Variants in FAM186A observed in about 807,000 individuals in gnomAD.
The protein encoded by FAM186A is family with sequence similarity 186 member A.
A neutral mutation model predicts 216.8 loss-of-function variants in FAM186A; 163 were observed. The ratio of observed to expected loss-of-function variants is 0.75; its 90% CI spans 0.66 to 0.86. FAM186A has a LOEUF of 0.86. FAM186A is among the 40% of genes least tolerant of loss of function. FAM186A has a pLI of 0.00. For synonymous variants in FAM186A, 805 were observed against 1,025.3 expected, an observed-to-expected ratio of 0.79 and a Z score of 4.10; for missense variants, 2,184 against 2,746.2, an observed-to-expected ratio of 0.80 and a Z score of 4.58.
At chr12:50,338,303 G>A (rs758195729) in intron 4 of FAM186A, among the ~76,000 whole-genome samples, 50 of 152,150 alleles carry the variant, frequency 3.3e-4, no homozygotes, top group Non-Finnish European at 1.0e-4. Flanking sequence ...CAGGGTTCAA[G>A]CAATTCTCTT....
At chr12:50,346,629 C>T (rs1443530015) in intron 4 of FAM186A, among the ~76,000 whole-genome samples, 3 of 152,080 alleles carry the variant, frequency 2.0e-5, no homozygotes, top group Admixed American at 6.6e-5. Context: ...GGGTGGATCA[C>T]GAGGTCAGGA....
At chr12:50,367,733 AAATT>A (rs1844990158) in intron 1 of FAM186A, among the ~76,000 whole-genome samples, 1 of 152,100 alleles carries the variant, frequency 6.6e-6, no homozygotes, top group Admixed American at 6.6e-5. Flanking sequence ...TTAGAACAAT[AAATT>A]CAGCAAAGTT....
At chr12:50,388,895 A>G (rs987492699) in intron 1 of FAM186A, among the ~76,000 whole-genome samples, 3 of 151,574 alleles carry the variant, frequency 2.0e-5, no homozygotes, top group Admixed American at 2.0e-4. Context: ...TCTACCAAAA[A>G]TACAAAAATT....
At chr12:50,343,006 T>G (rs1942780186) in intron 4 of FAM186A, among the ~76,000 whole-genome samples, 1 of 151,624 alleles carries the variant, frequency 6.6e-6, no homozygotes, top group Non-Finnish European at 1.5e-5. Context: ...TCCCAGCACT[T>G]TGGGATGCCG....
chr12:50,390,959 G>C (rs1487171548), intron 1 of FAM186A, among the ~76,000 whole-genome samples: 1 of 152,036 alleles, frequency 6.6e-6, no homozygotes, highest in Non-Finnish European at 1.5e-5. Context: ...CAAAGTGCTA[G>C]GATTACAGCC....
chr12:50,341,573 A>G (rs1016173480), intron 4 of FAM186A, among the ~76,000 whole-genome samples: 1 of 152,226 alleles, frequency 6.6e-6, no homozygotes, highest in Non-Finnish European at 1.5e-5. Context: ...ACAGTGGCTC[A>G]TACCTGTAAT....
intron 3 of FAM186A, among the ~76,000 whole-genome samples, chr12:50,358,344 G>T (rs1424827874): frequency 6.6e-6 from 1 of 152,126 alleles, no homozygotes; most frequent in Non-Finnish European, 1.5e-5. Flanking sequence ...ACTTTGGGAG[G>T]CTGAGGCAGG....
intron 1 of FAM186A, 25 bp from the exon 2 acceptor site, chr12:50,363,389 T>C (rs1943056350): frequency 6.6e-7 from 1 of 1,515,942 alleles, no homozygotes; most frequent in Admixed American, 2.0e-5. Context: ...AGGGGGCATG[T>C]ATTAATCTTC....
chr12:50,347,050 A>G (rs531340203), intron 4 of FAM186A, among the ~76,000 whole-genome samples: 2 of 151,642 alleles, frequency 1.3e-5, no homozygotes, highest in African/African-American at 2.4e-5. Flanking sequence ...GGAAGACTCT[A>G]TTAGTGAATA....
chr12:50,396,306 T>C lies in FAM186A; in HGVS notation c.179A>G (p.His60Arg), dbSNP rs1445739586. 1 of 1,539,020 alleles carries C rather than the reference T, an allele frequency of 6.5e-7. No individual in the cohort carries two copies. The highest frequency in any genetic ancestry group is 2.5e-5 in the East Asian group (1 of 40,778). ...IISRIERAQL[H>R]RAREDIDMQL... ...TTCACTACCTACCTCTCTGGCTCGA[T>C]GGAGCTGTGCGCGCTCAATCCTAGA... Residue 60 changes from histidine (H) to arginine (R), a missense_variant, in exon 1 of 8, where the codon CAT becomes CGT. By Grantham distance (29) the His-to-Arg change is conservative. Transcript: ENST00000327337.
At position 50,353,647 on chromosome 12, in the gene FAM186A, A is replaced by G; in HGVS notation, c.3185T>C (p.Leu1062Pro). 3.9e-6 allele frequency: 6 copies of G among 1,535,290 alleles called. No homozygotes were observed. The highest frequency in any genetic ancestry group is 5.3e-6 in the Non-Finnish European group (6 of 1,140,664). Reference protein sequence around the residue: ...PSLQYSLPGALPISGQPLTKC... With the variant: ...PSLQYSLPGAPPISGQPLTKC... The stretch of plus-strand genomic sequence containing the variant: ...AGTGAGAGGCTGGCCAGAAATAGGA[A>G]GAGCTCCAGGCAGGGAGTATTGTAG... The change falls in exon 4 of 8, where the codon CTT becomes CCT. Residue 1062 changes from leucine to proline, a missense_variant. This residue lies in a region of FAM186A where 1,132 missense variants were observed against 1,263.4 expected (regional missense o/e 0.90). Coordinates refer to ENST00000327337, the MANE Select transcript of FAM186A (RefSeq NM_001145475.3).
At chr12:50,368,826 A>G (rs534123705) in intron 1 of FAM186A, among the ~76,000 whole-genome samples, 12 of 152,240 alleles carry the variant, frequency 7.9e-5, no homozygotes, top group Admixed American at 3.3e-4. Context: ...CAGACATATA[A>G]CCTGATGGAA....
intron 1 of FAM186A, among the ~76,000 whole-genome samples, chr12:50,364,515 G>T (rs754869115): frequency 7.9e-5 from 12 of 151,418 alleles, no homozygotes; most frequent in Non-Finnish European, 1.5e-4. Flanking sequence ...CCGAGATCAC[G>T]CCACTGCACT....
At position 50,359,583 on chromosome 12, in the gene FAM186A, A is replaced by ACCC. The variant is rs1565888711; in HGVS notation, c.583+1172_583+1173insGGG. Among the ~76,000 whole-genome samples the ACCC allele has an allele frequency of 2.1e-3, 317 of 151,850 alleles. 1 individual carries two copies. Among genetic ancestry groups the ACCC allele is most frequent in the African/African-American group, 7.5e-3 (310 of 41,348 alleles). On this transcript the variant is annotated intron_variant, in intron 3 of 7. Transcript: ENST00000327337. Reference sequence around the variant, plus strand: ...CGACTCCTAGCTATCTACCCCCCCAAAAAAAATGGGTAAATAATGGCATTA... The same window carrying ACCC: ...CGACTCCTAGCTATCTACCCCCCCAACCCAAAAAATGGGTAAATAATGGCATTA...
chr12:50,344,144 G>T (rs1233869367), intron 4 of FAM186A, among the ~76,000 whole-genome samples: 4 of 151,282 alleles, frequency 2.6e-5, no homozygotes, highest in Non-Finnish European at 5.9e-5. Context: ...AGATTCAGAG[G>T]GTACATATGC....
At chr12:50,356,468 G>A (rs1942978655) in intron 3 of FAM186A, among the ~76,000 whole-genome samples, 1 of 151,686 alleles carries the variant, frequency 6.6e-6, no homozygotes, top group Admixed American at 6.6e-5. Flanking sequence ...TTTTTTTGTT[G>A]AGAGGGGATC....
intron 1 of FAM186A, 116 bp from the exon 2 acceptor site, chr12:50,363,480 C>A: frequency 1.1e-6 from 1 of 908,334 alleles, no homozygotes; most frequent in Non-Finnish European, 1.6e-6. Flanking sequence ...TAAAGTCTTG[C>A]TAATTCTAGC....
At chr12:50,390,134 T>A (rs532705920) in intron 1 of FAM186A, among the ~76,000 whole-genome samples, 14 of 152,318 alleles carry the variant, frequency 9.2e-5, no homozygotes, top group African/African-American at 3.1e-4. Context: ...GAGATGGGCC[T>A]GAGCTAAAGC....
chr12:50,331,008 G>A (rs141934407), intron 6 of FAM186A, among the ~76,000 whole-genome samples: 296 of 152,120 alleles, frequency 1.9e-3, no homozygotes, highest in African/African-American at 6.7e-3. Context: ...GCTTCATGGC[G>A]TAGAGAGACC....
Sources: gnomAD v4.1 joint callset for allele counts (sites outside exome capture counted in the v4.1 genomes callset) on GRCh38, gnomAD v4.1.1 for gene constraint, gnomAD v4.1.1 regional missense constraint, MANE v1.5 for transcripts, NCBI Gene and HGNC (gene_info 2026-07-23, HGNC 2026-07-21) for gene names.